Variants in KCNH7 observed in about 807,000 individuals in gnomAD.
KCNH7 encodes voltage-gated inwardly rectifying potassium channel KCNH7.
KCNH7 carries 49 observed loss-of-function variants against 120.8 expected under a neutral mutation model. That is an observed-to-expected ratio of 0.41 (90% CI 0.32 to 0.51). The LOEUF is 0.51. KCNH7 is among the 20% of genes least tolerant of loss of function. The probability of loss-of-function intolerance (pLI) is 0.38; values close to 1 mark genes in which losing one functional copy is unlikely to be tolerated. For synonymous variants in KCNH7, 547 were observed against 516.1 expected, an observed-to-expected ratio of 1.06 and a Z score of -0.81; for missense variants, 1,097 against 1,446.6, an observed-to-expected ratio of 0.76 and a Z score of 3.92.
chr2:162,516,440 G>A (rs1281910141), intron 4 of KCNH7, among the ~76,000 whole-genome samples: 2 of 151,648 alleles, frequency 1.3e-5, no homozygotes, highest in East Asian at 2.0e-4. Flanking sequence ...GAAAACACGT[G>A]TTACATTTTT....
At chr2:162,700,617 C>T (rs969046125) in intron 2 of KCNH7, among the ~76,000 whole-genome samples, 9 of 152,206 alleles carry the variant, frequency 5.9e-5, no homozygotes, top group African/African-American at 2.2e-4. Flanking sequence ...TTAAAAAAAT[C>T]CATTACTTCA....
At chr2:162,587,965 G>A (rs1694072941) in intron 2 of KCNH7, among the ~76,000 whole-genome samples, 1 of 152,038 alleles carries the variant, frequency 6.6e-6, no homozygotes, top group South Asian at 2.1e-4. Context: ...CATTTCCCAG[G>A]AAACAGCCTT....
At chr2:162,409,582 T>G (rs528106038) in intron 9 of KCNH7, among the ~76,000 whole-genome samples, 455 of 152,050 alleles carry the variant, frequency 3.0e-3, no homozygotes, top group African/African-American at 0.01. Context: ...CCAGAAGTCC[T>G]ACCCAGAGGA....
chr2:162,515,892 C>A (rs1167101275), intron 4 of KCNH7, among the ~76,000 whole-genome samples: 1 of 151,750 alleles, frequency 6.6e-6, no homozygotes, highest in African/African-American at 2.4e-5. Flanking sequence ...TTCTTCCTGC[C>A]AACTCTTCCT....
At chr2:162,461,081 C>G (rs148021712) in intron 6 of KCNH7, among the ~76,000 whole-genome samples, 1 of 152,002 alleles carries the variant, frequency 6.6e-6, no homozygotes, top group Non-Finnish European at 1.5e-5. Flanking sequence ...TTTCTAGAGC[C>G]TAAATGCAGC....
chr2:162,374,997 C>T (rs2105389975), intron 14 of KCNH7, among the ~76,000 whole-genome samples: 1 of 152,110 alleles, frequency 6.6e-6, no homozygotes, highest in African/African-American at 2.4e-5. Context: ...CTAAGCAGAC[C>T]CATTATTTCA....
rs562291513 is a variant in KCNH7, at chr2:162,496,204, C to A, written c.1128+8239G>T. On this transcript the variant is annotated intron_variant, in intron 6 of 15. Coordinates refer to ENST00000332142, the MANE Select transcript of KCNH7 (RefSeq NM_033272.4). ...TTAGAATGGTGATTGTCTACTTTCC[C>A]CAACAGCCGTTGGGGGTCTCCACTC... Among the ~76,000 whole-genome samples the A allele has an allele frequency of 8.5e-5, 13 of 152,186 alleles. No homozygotes were observed. The East Asian group carries it at 2.1e-3, about 25-fold the overall frequency.
At chr2:162,635,025 A>G (rs1683906496) in intron 2 of KCNH7, among the ~76,000 whole-genome samples, 1 of 152,106 alleles carries the variant, frequency 6.6e-6, no homozygotes, top group Admixed American at 6.6e-5. Flanking sequence ...TTAATAATGC[A>G]GTTCTTCTGT....
At chr2:162,628,838 C>A (rs995876298) in intron 2 of KCNH7, among the ~76,000 whole-genome samples, 1 of 151,946 alleles carries the variant, frequency 6.6e-6, no homozygotes, top group Non-Finnish European at 1.5e-5. Flanking sequence ...CACTTTATTG[C>A]TAGAGAGACT....
intron 9 of KCNH7, among the ~76,000 whole-genome samples, chr2:162,420,934 C>G (rs1687685099): frequency 6.6e-6 from 1 of 151,828 alleles, no homozygotes; most frequent in African/African-American, 2.4e-5. Flanking sequence ...TAAAAAAAAT[C>G]CATTTTGATT....
chr2:162,720,325 A>G (rs1687284901), intron 2 of KCNH7, among the ~76,000 whole-genome samples: 1 of 143,130 alleles, frequency 7.0e-6, no homozygotes, highest in Admixed American at 7.0e-5. Flanking sequence ...AAAAAAAAAG[A>G]GAGAGAGAGG....
At chr2:162,657,852 A>T (rs1684819001) in intron 2 of KCNH7, among the ~76,000 whole-genome samples, 1 of 148,484 alleles carries the variant, frequency 6.7e-6, no homozygotes, top group Non-Finnish European at 1.5e-5. Flanking sequence ...TAAAAGGCAA[A>T]CTATAAAACT....
At chr2:162,568,278 C>T (rs763828434) in intron 2 of KCNH7, among the ~76,000 whole-genome samples, 1 of 152,078 alleles carries the variant, frequency 6.6e-6, no homozygotes, top group East Asian at 1.9e-4. Flanking sequence ...TATGGGATTA[C>T]AATTCAAGAT....
intron 2 of KCNH7, among the ~76,000 whole-genome samples, chr2:162,591,144 T>C (rs566940822): frequency 6.6e-6 from 1 of 152,260 alleles, no homozygotes; most frequent in East Asian, 1.9e-4. Flanking sequence ...AGAGAAATCT[T>C]CCTTGAGCAA....
chr2:162,751,838 T>C (rs1356505758), intron 2 of KCNH7, among the ~76,000 whole-genome samples: 5 of 151,976 alleles, frequency 3.3e-5, no homozygotes, highest in African/African-American at 1.2e-4. Flanking sequence ...TGAAGGTTGA[T>C]TGTACAAATA....
chr2:162,537,510 C>G (rs1230821753), intron 2 of KCNH7, among the ~76,000 whole-genome samples: 1 of 151,880 alleles, frequency 6.6e-6, no homozygotes, highest in African/African-American at 2.4e-5. Context: ...AAATAAGCAA[C>G]TTATGTGCTT....
At chr2:162,442,963 C>T (rs7565023) in intron 7 of KCNH7, among the ~76,000 whole-genome samples, 22,396 of 152,152 alleles carry the variant, frequency 0.15, 4,391 homozygotes, top group African/African-American at 0.44. Context: ...TATGCATTTA[C>T]TGTGTAGAAA....
At chr2:162,448,216 T>C (rs750503506) in intron 6 of KCNH7, among the ~76,000 whole-genome samples, 18 of 152,204 alleles carry the variant, frequency 1.2e-4, no homozygotes, top group South Asian at 1.0e-3. Flanking sequence ...AAGTACAGAT[T>C]AATAGAACTC....
At chr2:162,506,285 T>C (rs969272791) in intron 5 of KCNH7, among the ~76,000 whole-genome samples, 2 of 151,874 alleles carry the variant, frequency 1.3e-5, no homozygotes, top group African/African-American at 2.4e-5. Context: ...CTTCAGATAG[T>C]TCTCTGACAG....
Sources: gnomAD v4.1 joint callset for allele counts (sites outside exome capture counted in the v4.1 genomes callset) on GRCh38, gnomAD v4.1.1 for gene constraint, MANE v1.5 for transcripts, NCBI Gene and HGNC (gene_info 2026-07-23, HGNC 2026-07-21) for gene names.